The following UGT8 variants were observed in gnomAD, a reference collection of about 807,000 sequenced individuals.
UGT8 encodes the protein UDP glycosyltransferase 8, also known as 2-hydroxyacylsphingosine 1-beta-galactosyltransferase.
Under a neutral mutation model 40.5 loss-of-function variants are expected in UGT8, and 12 were observed. The ratio of observed to expected loss-of-function variants is 0.30; its 90% CI spans 0.19 to 0.48. UGT8 has a LOEUF of 0.48. UGT8 is among the 20% of genes least tolerant of loss of function. The pLI is 0.99. For missense variants in UGT8, 513 were observed against 648.7 expected, an observed-to-expected ratio of 0.79 and a Z score of 2.27; for synonymous variants, 224 against 240.4, an observed-to-expected ratio of 0.93 and a Z score of 0.63.
rs1015238494 is a variant in UGT8 at position 114,625,132 on chromosome 4, C to A, written c.822+1430C>A. Among the ~76,000 whole-genome samples, 3 of 152,126 alleles carry A rather than the reference C, an allele frequency of 2.0e-5. No individual in the cohort carries two copies. The South Asian group carries it at 6.2e-4, about 32-fold the overall frequency. The stretch of plus-strand genomic sequence containing the variant: ...TCTCTAGGTCATCATCTTTTCCGAG[C>A]TAGAACACTCCCCTTCTGCCAGCTC... On this transcript the variant is annotated intron_variant, in intron 2 of 5. Coordinates refer to ENST00000310836, the MANE Select transcript of UGT8 (RefSeq NM_001128174.3).
chr4:114,603,178 T>C (rs1730538334), intron 1 of UGT8, among the ~76,000 whole-genome samples: 1 of 152,106 alleles, frequency 6.6e-6, no homozygotes, highest in Non-Finnish European at 1.5e-5. Context: ...GAGATCCAGA[T>C]TTGAGAGCAA....
At chr4:114,664,541 TA>T (rs1473788497) in intron 3 of UGT8, among the ~76,000 whole-genome samples, 1 of 152,244 alleles carries the variant, frequency 6.6e-6, no homozygotes, top group Non-Finnish European at 1.5e-5. Flanking sequence ...AACGAATACC[TA>T]AAATACCGTG....
In UGT8 at chr4:114,664,099, A is replaced by G; in HGVS notation, c.927A>G (p.Ala309=). 6.2e-7 allele frequency: 1 copy of G among 1,614,068 alleles called. No homozygotes were observed. Among genetic ancestry groups the G allele is most frequent in the South Asian group, 1.1e-5 (1 of 91,080 alleles). ...CAGAAGACATTGCTAACAAACTGGC[A>G]GGAGCTCTGGGGAGATTGCCTCAAA... ...YLSEDIANKL[A]GALGRLPQKV... Residue 309 remains alanine (A), a synonymous_variant, in exon 3 of 6, where the codon GCA becomes GCG. Transcript: ENST00000310836.
chr4:114,653,515 G>A (rs960875916), intron 2 of UGT8, among the ~76,000 whole-genome samples: 35 of 152,002 alleles, frequency 2.3e-4, no homozygotes, highest in African/African-American at 8.5e-4. Flanking sequence ...CTAAATATCA[G>A]TATTACATTA....
At chr4:114,670,178 C>A (rs1209942560) in intron 5 of UGT8, among the ~76,000 whole-genome samples, 1 of 152,008 alleles carries the variant, frequency 6.6e-6, no homozygotes, top group East Asian at 1.9e-4. Flanking sequence ...AAAATACTGG[C>A]AAACCGAATC....
chr4:114,667,960 A>C (rs1321647298), intron 4 of UGT8, 125 bp from the exon 5 acceptor site: 1 of 1,441,994 alleles, frequency 6.9e-7, no homozygotes, highest in South Asian at 1.5e-5. Flanking sequence ...GTGAAATTAC[A>C]CCTTTAGGAA....
chr4:114,602,417 T>C (rs1410021006), intron 1 of UGT8, among the ~76,000 whole-genome samples: 1 of 152,232 alleles, frequency 6.6e-6, no homozygotes. Flanking sequence ...ATTTTGCAAA[T>C]CTACTTATGG....
chr4:114,675,783 C>G (rs998576578), intron 5 of UGT8, 142 bp from the exon 6 acceptor site: 1 of 482,030 alleles, frequency 2.1e-6, no homozygotes, highest in African/African-American at 2.1e-5. Flanking sequence ...GTGTTTAAAG[C>G]ACTTAACACA....
chr4:114,601,949 G>C (rs1730469619), intron 1 of UGT8, among the ~76,000 whole-genome samples: 1 of 151,818 alleles, frequency 6.6e-6, no homozygotes, highest in African/African-American at 2.4e-5. Context: ...AAATGATGTG[G>C]GCTATTGCCC....
At chr4:114,667,987 C>A in intron 4 of UGT8, 98 bp from the exon 5 acceptor site, 1 of 1,494,496 alleles carries the variant, frequency 6.7e-7, no homozygotes, top group African/African-American at 1.4e-5. Flanking sequence ...ATCTGAAATG[C>A]ATGTTTACTG....
intron 1 of UGT8, among the ~76,000 whole-genome samples, chr4:114,605,237 AT>A (rs1207715728): frequency 6.6e-6 from 1 of 152,172 alleles, no homozygotes; most frequent in Non-Finnish European, 1.5e-5. Context: ...CTGGATGGAC[AT>A]TTATGTAAAT....
At chr4:114,642,448 G>A (rs1268053485) in intron 2 of UGT8, among the ~76,000 whole-genome samples, 1 of 152,042 alleles carries the variant, frequency 6.6e-6, no homozygotes, top group Non-Finnish European at 1.5e-5. Context: ...TGGGGGTAGA[G>A]TTTTATTGAT....
intron 1 of UGT8, among the ~76,000 whole-genome samples, chr4:114,608,932 A>T (rs1370791620): frequency 6.6e-6 from 1 of 152,208 alleles, no homozygotes; most frequent in Non-Finnish European, 1.5e-5. Context: ...TAGACCTTTT[A>T]TAACAATTAA....
At chr4:114,649,959 T>G (rs1260213086) in intron 2 of UGT8, among the ~76,000 whole-genome samples, 2 of 152,258 alleles carry the variant, frequency 1.3e-5, no homozygotes, top group Non-Finnish European at 2.9e-5. Flanking sequence ...AACACTGATA[T>G]AAAATTATAT....
chr4:114,676,847 TGGATGCAGA>T lies in UGT8; in HGVS notation c.*563_*571del, dbSNP rs1735686937. 6.7e-6 allele frequency: 1 copy of T among 149,854 alleles called. No homozygotes were observed. The allele number at this position is 149,854 out of a possible 1,614,324, so 9.3% of individuals were successfully genotyped here. On this transcript the variant is annotated 3_prime_UTR_variant, in exon 6 of 6. Coordinates refer to ENST00000310836, the MANE Select transcript of UGT8 (RefSeq NM_001128174.3). ...ATGAAAGAACACTTCCCCCCAAAACTGGATGCAGAGGAAGAAAAAAAAAAAAGAAATGGC... is the reference window on the plus strand; with the variant it reads ...ATGAAAGAACACTTCCCCCCAAAACTGGAAGAAAAAAAAAAAAGAAATGGC...
intron 2 of UGT8, among the ~76,000 whole-genome samples, chr4:114,641,469 G>A (rs1733217778): frequency 2.0e-5 from 3 of 152,134 alleles, no homozygotes; most frequent in Admixed American, 6.5e-5. Context: ...AATTTAAAAT[G>A]TTAGACCTAG....
chr4:114,622,743 G>C (rs1731897230), intron 1 of UGT8, 136 bp from the exon 2 acceptor site: 1 of 735,480 alleles, frequency 1.4e-6, no homozygotes, highest in East Asian at 2.9e-5. Flanking sequence ...CTTCTTTTGA[G>C]AAGTGTCTGT....
At chr4:114,663,062 A>G (rs1734648288) in intron 2 of UGT8, among the ~76,000 whole-genome samples, 1 of 151,526 alleles carries the variant, frequency 6.6e-6, no homozygotes, top group South Asian at 2.1e-4. Context: ...TGACCTCATG[A>G]TGCACCTGCC....
chr4:114,606,989 A>C (rs993162103), intron 1 of UGT8, among the ~76,000 whole-genome samples: 3 of 152,196 alleles, frequency 2.0e-5, no homozygotes, highest in Non-Finnish European at 4.4e-5. Context: ...TATTGGTGGG[A>C]AAATGTTATA....
Sources: allele counts gnomAD v4.1 joint callset (sites outside exome capture counted in the v4.1 genomes callset), GRCh38; gene constraint gnomAD v4.1.1; transcripts MANE v1.5; gene names NCBI Gene and HGNC (gene_info 2026-07-23, HGNC 2026-07-21).